Variants in TTC34 observed in about 807,000 individuals in gnomAD.
TTC34 encodes the protein tetratricopeptide repeat domain 34, also known as tetratricopeptide repeat protein 34.
In TTC34, 44 loss-of-function variants were observed where a neutral mutation model predicts 40.7. The observed-to-expected ratio is 1.08, with a 90% CI of 0.85 to 1.39. TTC34 has a LOEUF of 1.39. TTC34 is among the 40% of genes most tolerant of loss of function. TTC34 has a pLI of 0.00. For synonymous variants in TTC34, 422 were observed against 398.6 expected (o/e 1.06, Z -0.70); for missense variants, 884 against 838.0 (o/e 1.05, Z -0.68).
chr1:2,751,083 A>T (rs1429231206), intron 6 of TTC34, among the ~76,000 whole-genome samples: 1 of 79,686 alleles, frequency 1.3e-5, no homozygotes, highest in East Asian at 5.9e-4. Context: ...AACACCTCCC[A>T]CATGCCCAGC....
intron 2 of TTC34, 81 bp from the exon 3 acceptor site, chr1:2,790,427 C>T (rs1280564639): frequency 5.0e-6 from 2 of 397,768 alleles, no homozygotes; most frequent in African/African-American, 2.1e-5. Context: ...CCACCAGGTC[C>T]AGGGCTTGGA....
At chr1:2,698,786 CAT>C (rs1640987429) in intron 6 of TTC34, among the ~76,000 whole-genome samples, 1 of 42,700 alleles carries the variant, frequency 2.3e-5, no homozygotes, top group Non-Finnish European at 4.3e-5. Flanking sequence ...GAACATCCGA[CAT>C]CGTGGAGCAG....
At chr1:2,651,752 C>A (rs1335103433) in intron 6 of TTC34, among the ~76,000 whole-genome samples, 1 of 151,942 alleles carries the variant, frequency 6.6e-6, no homozygotes, top group African/African-American at 2.4e-5. Context: ...CAACCTAGAA[C>A]AGCACCCTCC....
chr1:2,753,258 C>A, intron 6 of TTC34, among the ~76,000 whole-genome samples: 1 of 129,228 alleles, frequency 7.7e-6, no homozygotes, highest in Non-Finnish European at 1.6e-5. Flanking sequence ...ACCCACACCC[C>A]AGGTGAGCAT....
intron 6 of TTC34, among the ~76,000 whole-genome samples, chr1:2,749,759 C>G (rs1407524105): frequency 1.3e-5 from 1 of 76,262 alleles, no homozygotes; most frequent in Non-Finnish European, 2.4e-5. Flanking sequence ...GGAACAGCTC[C>G]CACACCCCCA....
At chr1:2,644,025 C>T (rs1401078789) in intron 8 of TTC34, among the ~76,000 whole-genome samples, 1 of 152,220 alleles carries the variant, frequency 6.6e-6, no homozygotes, top group Non-Finnish European at 1.5e-5. Context: ...ACCCAAGTCA[C>T]CTGTGGCTTA....
At chr1:2,785,833 G>A (rs1240594368) in exon 5 of TTC34, 3 of 1,544,034 alleles carry the variant, frequency 1.9e-6, no homozygotes, top group Admixed American at 4.0e-5. Context: ...GGCAAAGATG[G>A]CCAGAGACAG....
intron 6 of TTC34, among the ~76,000 whole-genome samples, chr1:2,755,823 A>G (rs1363603082): frequency 0.032 from 562 of 17,808 alleles, 59 homozygotes; most frequent in Middle Eastern, 0.071. Flanking sequence ...AGCACCCACA[A>G]CCACAGGTGA....
intron 5 of TTC34, among the ~76,000 whole-genome samples, chr1:2,784,449 T>C (rs572928954): frequency 9.2e-5 from 14 of 152,298 alleles, no homozygotes; most frequent in African/African-American, 3.4e-4. Flanking sequence ...TGGGCAGGCC[T>C]GGATGATATC....
chr1:2,652,337 C>A, intron 6 of TTC34, among the ~76,000 whole-genome samples: 1 of 149,860 alleles, frequency 6.7e-6, no homozygotes, highest in Non-Finnish European at 1.5e-5. Flanking sequence ...CCCAGGTGAG[C>A]ATCTGATATC....
At chr1:2,793,947 C>T (rs890519805) in intron 2 of TTC34, among the ~76,000 whole-genome samples, 2 of 151,792 alleles carry the variant, frequency 1.3e-5, no homozygotes, top group Non-Finnish European at 1.5e-5. Flanking sequence ...CTCCCTTCCC[C>T]TCCTCGCCCT....
chr1:2,697,460 T>C, intron 6 of TTC34, among the ~76,000 whole-genome samples: 1 of 152,186 alleles, frequency 6.6e-6, no homozygotes, highest in African/African-American at 2.4e-5. Flanking sequence ...GATGAGCATC[T>C]GACAGCCTGG....
intron 6 of TTC34, among the ~76,000 whole-genome samples, chr1:2,686,799 A>G (rs1252932982): frequency 2.1e-4 from 26 of 122,440 alleles, no homozygotes; most frequent in Admixed American, 3.8e-4. Flanking sequence ...ATCAGCACCC[A>G]CACCCCCAGG....
At position 2,755,817 on chromosome 1, in the gene TTC34, C is replaced by A. The variant is rs1347207782; in HGVS notation, c.2226+27792G>T. ...GAGCATCTGATGGTCTGGAGCAGCA[C>A]CCACAACCACAGGTGAGCATCCGAC... On this transcript the variant is annotated intron_variant, in intron 6 of 8. Coordinates refer to ENST00000401095, the Ensembl canonical transcript of TTC34. Among the ~76,000 whole-genome samples, 6 of 115,910 alleles carry A rather than the reference C, an allele frequency of 5.2e-5. 1 individual carries two copies. The East Asian group carries it at 1.1e-3, about 22-fold the overall frequency. 76.0% of individuals were successfully genotyped at this position (115,910 alleles called of 152,430 possible).
intron 6 of TTC34, among the ~76,000 whole-genome samples, chr1:2,691,837 T>A (rs61765714): frequency 4.4e-5 from 3 of 68,414 alleles, no homozygotes; most frequent in South Asian, 5.6e-4. Context: ...CAGGTGTGCA[T>A]GTGATGGTCT....
intron 6 of TTC34, among the ~76,000 whole-genome samples, chr1:2,764,449 G>A (rs1319250394): frequency 1.5e-5 from 2 of 136,544 alleles, no homozygotes; most frequent in Non-Finnish European, 3.2e-5. Context: ...ACAGCCTGGG[G>A]CAGTGCCCAC....
intron 6 of TTC34, among the ~76,000 whole-genome samples, chr1:2,694,917 C>A (rs367628509): frequency 2.0e-4 from 1 of 4,940 alleles, no homozygotes; most frequent in African/African-American, 7.2e-4. Flanking sequence ...CACACACTCA[C>A]GCGAGCACCT....
chr1:2,783,585 C>A, intron 6 of TTC34, 24 bp downstream of exon 6: 1 of 1,360,288 alleles, frequency 7.4e-7, no homozygotes, highest in Non-Finnish European at 9.6e-7. Flanking sequence ...CTTGCCCAGG[C>A]CCAGGTCAGG....
intron 6 of TTC34, among the ~76,000 whole-genome samples, chr1:2,685,440 G>T (rs1252781494): frequency 1.4e-5 from 1 of 71,842 alleles, no homozygotes; most frequent in Non-Finnish European, 2.6e-5. Context: ...CGCCCACACT[G>T]CAGGGCGAGC....
Sources: allele counts gnomAD v4.1 joint callset (sites outside exome capture counted in the v4.1 genomes callset), GRCh38; gene constraint gnomAD v4.1.1; transcripts MANE v1.5; gene names NCBI Gene and HGNC (gene_info 2026-07-23, HGNC 2026-07-21).